WNT9B: variants seen among roughly 807,000 people sequenced by gnomAD.
The protein encoded by WNT9B is Wnt family member 9B.
Under a neutral mutation model 30.2 loss-of-function variants are expected in WNT9B, and 12 were observed. The observed-to-expected ratio is 0.40, with a 90% confidence interval of 0.26 to 0.64. WNT9B has a LOEUF of 0.64. Ranked by LOEUF, WNT9B falls within the 30% of genes least tolerant of loss-of-function variation. WNT9B has a pLI of 0.42. For synonymous variants in WNT9B, 218 were observed against 216.9 expected (o/e 1.01, Z -0.05); for missense variants, 442 against 485.2 (o/e 0.91, Z 0.84).
exon 5 of WNT9B, chr17:46,885,847 C>T (rs2085482561): frequency 6.6e-6 from 1 of 152,544 alleles, no homozygotes; most frequent in African/African-American, 2.4e-5. Flanking sequence ...TCTCTCCTCC[C>T]TTTCCTTCCC....
chr17:46,843,586 A>G (rs1439073879), intron 1 of WNT9B, among the ~76,000 whole-genome samples: 1 of 152,146 alleles, frequency 6.6e-6, no homozygotes, highest in Non-Finnish European at 1.5e-5. Flanking sequence ...TTACTGCTGC[A>G]CAGTCGTTAA....
chr17:46,882,148 C>G (rs1447148725), downstream of WNT9B, among the ~76,000 whole-genome samples: 1 of 152,032 alleles, frequency 6.6e-6, no homozygotes, highest in East Asian at 1.9e-4. Flanking sequence ...AGAGTGAGAC[C>G]CTGTCTCTAA....
chr17:46,866,935 C>A (rs887277404), intron 1 of WNT9B, among the ~76,000 whole-genome samples: 6 of 152,318 alleles, frequency 3.9e-5, no homozygotes, highest in South Asian at 2.1e-4. Context: ...CTTCCCCAAA[C>A]AGCCTGGAGT....
At chr17:46,884,964 A>G, downstream of WNT9B, 1 of 409,362 alleles carries the variant, frequency 2.4e-6, no homozygotes, top group Non-Finnish European at 4.8e-6. Context: ...CCCATCAAAT[A>G]GTTATTTGCT....
chr17:46,876,564 G>A lies in WNT9B; in HGVS notation c.920G>A (p.Arg307Gln), dbSNP rs528217802. Reference protein sequence around the residue: ...SPGTAGRVCSREASCSSLCCG... With the variant: ...SPGTAGRVCSQEASCSSLCCG... ...GGCACAGCAGGTAGGGTGTGCTCCC[G>A]GGAGGCCAGCTGCAGCAGCCTGTGC... Residue 307 changes from arginine (R) to glutamine (Q), a missense_variant, in exon 4 of 4, where the codon CGG becomes CAG. Coordinates refer to ENST00000290015, the MANE Select transcript of WNT9B (RefSeq NM_003396.3). 23 of 1,613,638 alleles carry A rather than the reference G, an allele frequency of 1.4e-5. No homozygotes were observed. The highest frequency in any genetic ancestry group is 8.3e-5 in the Admixed American group (5 of 60,028).
At chr17:46,875,532 T>G (rs1293454554) in intron 3 of WNT9B, among the ~76,000 whole-genome samples, 166 bp downstream of exon 3, 1 of 152,190 alleles carries the variant, frequency 6.6e-6, no homozygotes, top group Non-Finnish European at 1.5e-5. Context: ...CCTTGGCATC[T>G]ACTCTGGGCT....
chr17:46,880,930 G>A (rs2085414324), downstream of WNT9B, among the ~76,000 whole-genome samples: 4 of 152,188 alleles, frequency 2.6e-5, no homozygotes, highest in South Asian at 8.3e-4. Context: ...AGGGTGGGGC[G>A]GGATGAAGCC....
intron 1 of WNT9B, among the ~76,000 whole-genome samples, chr17:46,871,918 A>G (rs1242555401): frequency 6.6e-6 from 1 of 152,192 alleles, no homozygotes; most frequent in Non-Finnish European, 1.5e-5. Context: ...TTGAAGGTCT[A>G]TCTGGGAATT....
intron 1 of WNT9B, among the ~76,000 whole-genome samples, chr17:46,833,628 G>A (rs2084584963): frequency 1.3e-5 from 2 of 152,278 alleles, no homozygotes; most frequent in South Asian, 2.1e-4. Flanking sequence ...GAGTGAGGGT[G>A]TGTGTGAGTC....
chr17:46,848,004 A>G (rs7219733), upstream of WNT9B, among the ~76,000 whole-genome samples: 29,834 of 144,904 alleles, frequency 0.21, 3,590 homozygotes, highest in East Asian at 0.51. Flanking sequence ...GTGCACGTGC[A>G]TGTGTGCACA....
intron 1 of WNT9B, among the ~76,000 whole-genome samples, chr17:46,857,318 A>C (rs1156733560): frequency 1.3e-5 from 2 of 151,882 alleles, no homozygotes; most frequent in Admixed American, 1.3e-4. Flanking sequence ...AAATTACAAG[A>C]ATCAGCTGGG....
downstream of WNT9B, among the ~76,000 whole-genome samples, chr17:46,881,840 CACTT>C (rs1320284043): frequency 1.3e-5 from 2 of 152,216 alleles, no homozygotes; most frequent in Non-Finnish European, 2.9e-5. Context: ...GACACCAAGA[CACTT>C]ACATACTTTA....
Position 46,834,547 on chromosome 17 carries a change from T to G in WNT9B, c.95+1107T>G, listed in dbSNP as rs1010333190. ...CTCCTCTCGCTGGCTTGCCCCTGAT[T>G]TCATCTCAAGAACGGTCAACTCTAG... On this transcript the variant is annotated intron_variant, in intron 1 of 2. Coordinates refer to the WNT9B transcript ENST00000575372. Among the ~76,000 whole-genome samples, 52 of 152,124 alleles carry G rather than the reference T, an allele frequency of 3.4e-4. 1 individual carries two copies. The highest frequency in any genetic ancestry group is 4.4e-5 in the Non-Finnish European group (3 of 68,024).
chr17:46,884,791 C>T (rs1468815873), downstream of WNT9B, among the ~76,000 whole-genome samples: 1 of 152,150 alleles, frequency 6.6e-6, no homozygotes, highest in Non-Finnish European at 1.5e-5. Flanking sequence ...AGCTTTCAGA[C>T]CCAGTGAAGG....
At chr17:46,858,078 C>A (rs540732210) in intron 1 of WNT9B, among the ~76,000 whole-genome samples, 1 of 152,074 alleles carries the variant, frequency 6.6e-6, no homozygotes, top group African/African-American at 2.4e-5. Context: ...TACAGGCATG[C>A]GCCACCATGC....
At chr17:46,834,159 C>T (rs2084593612) in intron 1 of WNT9B, among the ~76,000 whole-genome samples, 1 of 152,158 alleles carries the variant, frequency 6.6e-6, no homozygotes, top group South Asian at 2.1e-4. Context: ...GGCACCACTA[C>T]ACTCCAGCCT....
At chr17:46,864,369 G>A (rs2085097177) in intron 1 of WNT9B, among the ~76,000 whole-genome samples, 1 of 152,092 alleles carries the variant, frequency 6.6e-6, no homozygotes, top group Non-Finnish European at 1.5e-5. Context: ...CACATACCAG[G>A]CCCTCTCCTT....
At chr17:46,855,839 C>T (rs1019691286) in intron 1 of WNT9B, among the ~76,000 whole-genome samples, 2 of 152,118 alleles carry the variant, frequency 1.3e-5, no homozygotes, top group Non-Finnish European at 2.9e-5. Context: ...GCTGAGATTG[C>T]AGGCATGTGC....
Position 46,875,328 on chromosome 17 carries a change from G to A in WNT9B, c.562G>A (p.Ala188Thr), listed in dbSNP as rs1270343087. 6.2e-7 allele frequency: 1 copy of A among 1,612,564 alleles called. No individual in the cohort carries two copies. The highest frequency in any genetic ancestry group is 8.5e-7 in the Non-Finnish European group (1 of 1,178,914). The change falls in exon 3 of 4, where the codon GCA (alanine) becomes ACA (threonine). Residue 188 changes from alanine to threonine, a missense_variant. Transcript: ENST00000290015. ...CAAGAGAGGAAACAAGGACCTGCGG[G>A]CACGGGCAGACGCCCACAATACCCA... ...GSKRGNKDLRARADAHNTHVG... is the reference protein window; with the variant it reads ...GSKRGNKDLRTRADAHNTHVG...
Sources: gnomAD v4.1 joint callset for allele counts (sites outside exome capture counted in the v4.1 genomes callset) on GRCh38, gnomAD v4.1.1 for gene constraint, MANE v1.5 for transcripts, NCBI Gene and HGNC (gene_info 2026-07-23, HGNC 2026-07-21) for gene names.